Variants in WDFY4 observed in about 807,000 individuals in gnomAD.
WDFY4 encodes WD repeat- and FYVE domain-containing protein 4.
WDFY4 carries 169 observed loss-of-function variants against 351.9 expected under a neutral mutation model. The ratio of observed to expected loss-of-function variants is 0.48; its 90% CI spans 0.42 to 0.55. The LOEUF (loss-of-function observed/expected upper bound fraction) is 0.55. WDFY4 is among the 20% of genes least tolerant of loss of function. The probability of loss-of-function intolerance (pLI) is 0.00; values close to 1 mark genes in which losing one functional copy is unlikely to be tolerated. For synonymous variants in WDFY4, 1,622 were observed against 1,574.6 expected (o/e 1.03, Z -0.71); for missense variants, 3,803 against 3,935.6 (o/e 0.97, Z 0.90).
intron 47 of WDFY4, among the ~76,000 whole-genome samples, chr10:48,925,397 G>T (rs17782114): frequency 0.25 from 37,424 of 152,102 alleles, 5,581 homozygotes; most frequent in East Asian, 0.39. Flanking sequence ...CCTCTGGGCA[G>T]GCCGCTGAAA....
intron 13 of WDFY4, among the ~76,000 whole-genome samples, chr10:48,761,225 G>T (rs1039160038): frequency 4.6e-5 from 7 of 152,282 alleles, no homozygotes; most frequent in African/African-American, 1.7e-4. Context: ...GGGCTCCCTG[G>T]TCAGGCGATG....
intron 19 of WDFY4, among the ~76,000 whole-genome samples, chr10:48,785,142 G>A (rs1289446108): frequency 6.6e-6 from 1 of 152,164 alleles, no homozygotes; most frequent in Non-Finnish European, 1.5e-5. Context: ...TTACAGACGT[G>A]AGCCATTGCG....
intron 47 of WDFY4, among the ~76,000 whole-genome samples, chr10:48,939,334 G>A (rs548193467): frequency 5.6e-4 from 85 of 152,332 alleles, no homozygotes; most frequent in African/African-American, 1.9e-3. Flanking sequence ...CAGACCCATG[G>A]TCTCACTGGC....
intron 12 of WDFY4, among the ~76,000 whole-genome samples, chr10:48,756,354 G>A (rs899535774): frequency 1.3e-5 from 2 of 151,768 alleles, no homozygotes; most frequent in African/African-American, 4.8e-5. Flanking sequence ...ACTTTTGTAT[G>A]TCGACTATTA....
At chr10:48,844,465 C>T (rs1450961808) in intron 39 of WDFY4, among the ~76,000 whole-genome samples, 1 of 151,994 alleles carries the variant, frequency 6.6e-6, no homozygotes, top group Non-Finnish European at 1.5e-5. Flanking sequence ...GATGGCACAC[C>T]CCTGTAATCC....
chr10:48,767,375 C>T (rs1271222352), intron 13 of WDFY4, among the ~76,000 whole-genome samples: 2 of 152,198 alleles, frequency 1.3e-5, no homozygotes, highest in South Asian at 2.1e-4. Flanking sequence ...TGTTCTGGGT[C>T]GTGGTATATA....
chr10:48,846,396 T>C (rs2068777569), intron 39 of WDFY4, among the ~76,000 whole-genome samples: 1 of 152,212 alleles, frequency 6.6e-6, no homozygotes. Flanking sequence ...TGGCCTCCTC[T>C]GTGGGCAAGT....
chr10:48,845,833 A>G (rs1289073370), intron 39 of WDFY4, among the ~76,000 whole-genome samples: 1 of 150,584 alleles, frequency 6.6e-6, no homozygotes, highest in African/African-American at 2.5e-5. Context: ...TACAGTCTCT[A>G]AAGACTCACC....
chr10:48,817,317 G>C lies in WDFY4; in HGVS notation c.5413G>C (p.Val1805Leu). ...CAGCGTGCTGCAGTTCCTCAGCCTC[G>C]TCCACCGCACCTACCCCCAGGACCC... Reference protein sequence around the residue: ...PASVLQFLSLVHRTYPQDPAW... With the variant: ...PASVLQFLSLLHRTYPQDPAW... Residue 1805 changes from valine (V) to leucine (L), a missense_variant, in exon 32 of 62, where the codon GTC becomes CTC. By Grantham distance (32) the Val-to-Leu change is conservative. Transcript: ENST00000325239. The C allele has an allele frequency of 1.3e-6, 2 of 1,551,620 alleles. No individual in the cohort carries two copies. The highest frequency in any genetic ancestry group is 1.7e-4 in the Middle Eastern group (1 of 5,992).
intron 18 of WDFY4, among the ~76,000 whole-genome samples, chr10:48,779,098 T>G (rs2066134631): frequency 6.6e-6 from 1 of 152,212 alleles, no homozygotes; most frequent in South Asian, 2.1e-4. Context: ...TCAGTGGCTT[T>G]TCAGAAACTT....
Position 48,901,819 on chromosome 10 carries a change from C to T in WDFY4, c.7542C>T (p.Pro2514=). 2 of 1,551,570 alleles carry T rather than the reference C, an allele frequency of 1.3e-6. No homozygotes were observed. The highest frequency in any genetic ancestry group is 1.7e-6 in the Non-Finnish European group (2 of 1,146,868). The change falls in exon 47 of 62, where the codon CCC becomes CCT. Residue 2514 remains proline, a synonymous_variant. Coordinates refer to ENST00000325239, the MANE Select transcript of WDFY4 (RefSeq NM_001394531.1). ...KAFKSFCSFQ[P]SLKGKATSED... is the part of the protein sequence containing the mutation. ...CATGTAGCTTCTGCTCTTTCCAACC[C>T]AGCCTGAAGGGGAAAGCCACCTCGG... is the stretch of plus-strand genomic sequence containing the variant.
At chr10:48,868,388 T>A (rs906045147) in intron 40 of WDFY4, among the ~76,000 whole-genome samples, 6 of 152,080 alleles carry the variant, frequency 3.9e-5, no homozygotes, top group African/African-American at 1.4e-4. Flanking sequence ...AGCAGGCATG[T>A]CTAGTTTTTC....
At chr10:48,964,121 C>T in intron 54 of WDFY4, 67 bp downstream of exon 54, 1 of 1,500,890 alleles carries the variant, frequency 6.7e-7, no homozygotes. Context: ...GACATTCTCT[C>T]CTGGGGTGAA....
chr10:48,907,327 A>G (rs1837666148), intron 47 of WDFY4, among the ~76,000 whole-genome samples: 1 of 152,194 alleles, frequency 6.6e-6, no homozygotes, highest in Non-Finnish European at 1.5e-5. Flanking sequence ...CCACCATGTC[A>G]TTGAGGCAAA....
rs41283303 is a variant in WDFY4, at chr10:48,970,201, C to A, written c.8840C>A (p.Thr2947Lys). Residue 2947 changes from threonine to lysine, a missense_variant, in exon 57 of 62, where the codon ACG (threonine) becomes AAG (lysine). Around this residue, in one of 3 missense-constraint regions of WDFY4, gnomAD observed 3,054 missense variants for 3,148.6 expected, o/e 0.97. Coordinates refer to ENST00000325239, the MANE Select transcript of WDFY4 (RefSeq NM_001394531.1). The part of the protein sequence containing the change: ...CLCAVCPSPT[T>K]IVTSGTSTVV... ...TGCGCCGTGTGCCCATCCCCAACAA[C>A]GATTGTCACCTCTGGGACCAGCACT... 6.4e-7 allele frequency: 1 copy of A among 1,551,730 alleles called. No individual in the cohort carries two copies. The highest frequency in any genetic ancestry group is 8.7e-7 in the Non-Finnish European group (1 of 1,147,004).
intron 51 of WDFY4, among the ~76,000 whole-genome samples, chr10:48,953,331 T>TCACACA (rs1204371648): frequency 1.2e-3 from 98 of 81,142 alleles, no homozygotes; most frequent in Non-Finnish European, 2.2e-3. Context: ...TCTCTCTCTC[T>TCACACA]CTCACACACA....
rs768961736 is a variant in WDFY4, at chr10:48,780,083, C to T, written c.3540C>T (p.Ser1180=). ...AAATGAAAAGGCATTGTACAGTTTC[C>T]ACCTGTCTGGATGGACAGGTCATTG... ...TKEMKRHCTV[S]TCLDGQVIGS... Residue 1180 remains serine, a synonymous_variant, in exon 19 of 62, where the codon TCC becomes TCT. Transcript: ENST00000325239. The T allele has an allele frequency of 5.8e-6, 9 of 1,551,926 alleles. No homozygotes were observed. Among genetic ancestry groups the T allele is most frequent in the Non-Finnish European group, 7.0e-6 (8 of 1,147,056 alleles).
chr10:48,773,970 G>A (rs1443988402), intron 13 of WDFY4, among the ~76,000 whole-genome samples: 1 of 152,164 alleles, frequency 6.6e-6, no homozygotes, highest in Non-Finnish European at 1.5e-5. Flanking sequence ...ACCCCTGGAG[G>A]GCACAGCTCC....
chr10:48,874,991 A>G, intron 41 of WDFY4, 98 bp from the exon 42 acceptor site: 1 of 607,788 alleles, frequency 1.6e-6, no homozygotes, highest in Non-Finnish European at 2.6e-6. Flanking sequence ...AAGGGGTCAC[A>G]TGCATGTGCG....
Sources: allele counts gnomAD v4.1 joint callset (sites outside exome capture counted in the v4.1 genomes callset), GRCh38; gene constraint gnomAD v4.1.1; regional missense constraint gnomAD v4.1.1; transcripts MANE v1.5; gene names NCBI Gene and HGNC (gene_info 2026-07-23, HGNC 2026-07-21).